The following STRN3 variants were observed in gnomAD, a reference collection of about 807,000 sequenced individuals.
The protein encoded by STRN3 is striatin 3.
Under a neutral mutation model 95.6 loss-of-function variants are expected in STRN3, and 29 were observed. The ratio of observed to expected loss-of-function variants is 0.30; its 90% CI spans 0.23 to 0.41. The LOEUF is 0.41. Ranked by LOEUF, STRN3 falls within the 10% of genes least tolerant of loss-of-function variation. The pLI is 1.00. For missense variants in STRN3, 890 were observed against 972.1 expected (o/e 0.92, Z 1.12); for synonymous variants, 331 against 357.6 (o/e 0.93, Z 0.84).
intron 9 of STRN3, among the ~76,000 whole-genome samples, chr14:30,914,055 T>A (rs1456817719): frequency 6.6e-6 from 1 of 152,220 alleles, no homozygotes; most frequent in Non-Finnish European, 1.5e-5. Context: ...ACCATGGACC[T>A]CAAGGACCTC....
intron 1 of STRN3, among the ~76,000 whole-genome samples, chr14:31,016,236 G>A (rs1456374094): frequency 2.6e-5 from 4 of 151,988 alleles, no homozygotes; most frequent in Non-Finnish European, 5.9e-5. Context: ...AAACTTATAC[G>A]TCCACACAAA....
chr14:30,974,507 T>C (rs1880988628), intron 1 of STRN3, among the ~76,000 whole-genome samples: 1 of 150,740 alleles, frequency 6.6e-6, no homozygotes, highest in Non-Finnish European at 1.5e-5. Flanking sequence ...ACAGATTCAA[T>C]GCAATCCTTA....
Position 30,914,824 on chromosome 14 carries a change from A to G in STRN3, c.1241-1167T>C, listed in dbSNP as rs1594429154. On this transcript the variant is annotated intron_variant, in intron 9 of 17. Coordinates refer to ENST00000357479, the MANE Select transcript of STRN3 (RefSeq NM_001083893.2). ...GGTTGAGCTTCACTTAGTTTTCTCA[A>G]CTATATCATGTGCATTATTACAGCT... Among the ~76,000 whole-genome samples the G allele has an allele frequency of 2.6e-5, 4 of 152,318 alleles. No individual in the cohort carries two copies. In the South Asian group the frequency reaches 8.3e-4, roughly 32 times the overall value.
intron 1 of STRN3, among the ~76,000 whole-genome samples, chr14:30,981,485 T>C (rs752185188): frequency 1.8e-4 from 28 of 151,988 alleles, no homozygotes; most frequent in Non-Finnish European, 3.2e-4. Flanking sequence ...CATTGACATT[T>C]TACATAAAGC....
chr14:30,909,481 AAGAG>A (rs148536106), intron 13 of STRN3, among the ~76,000 whole-genome samples: 5 of 150,676 alleles, frequency 3.3e-5, no homozygotes, highest in Non-Finnish European at 7.4e-5. Flanking sequence ...CCAAAAAAGA[AAGAG>A]AGAGAGAGAG....
At chr14:30,931,954 C>T (rs1458323953) in intron 7 of STRN3, 1 of 152,136 alleles carries the variant, frequency 6.6e-6, no homozygotes, top group Non-Finnish European at 1.5e-5. Context: ...TTAAAAAAAT[C>T]AGTGCTCTTT....
intron 1 of STRN3, among the ~76,000 whole-genome samples, chr14:31,012,276 A>G (rs952155230): frequency 1.3e-5 from 2 of 152,202 alleles, no homozygotes; most frequent in Non-Finnish European, 2.9e-5. Flanking sequence ...CCAGGATTTC[A>G]GTGAAAGATA....
At chr14:30,978,062 G>A (rs1473164898) in intron 1 of STRN3, among the ~76,000 whole-genome samples, 1 of 152,048 alleles carries the variant, frequency 6.6e-6, no homozygotes, top group Non-Finnish European at 1.5e-5. Context: ...ATGGGCTCTA[G>A]GGTGAATTCT....
chr14:30,929,957 A>AAAAAAAAAAAAC (rs1555317343), intron 7 of STRN3, among the ~76,000 whole-genome samples: 2 of 138,234 alleles, frequency 1.4e-5, no homozygotes, highest in African/African-American at 2.8e-5. Flanking sequence ...AGATTAGCAA[A>AAAAAAAAAAAAC]AAAAAAAAAA....
In STRN3 at chr14:30,895,526, T is replaced by G; in HGVS notation, c.2279A>C (p.Glu760Ala). ...WNLDSKTCVQ[E>A]ITAHRKKLDE... ...CAATTTCTTTCTGTGAGCTGTTATT[T>G]CTTGCACACATGTCTTGCTGTCTAA... The change falls in exon 18 of 18, where the codon GAA becomes GCA. Residue 760 changes from glutamate to alanine, a missense_variant. Transcript: ENST00000357479. 1 of 1,614,156 alleles carries G rather than the reference T, an allele frequency of 6.2e-7. No individual in the cohort carries two copies. The highest frequency in any genetic ancestry group is 8.5e-7 in the Non-Finnish European group (1 of 1,180,024).
At position 31,026,073 on chromosome 14, in the gene STRN3, G is replaced by A. The variant is rs1482191165; in HGVS notation, c.113C>T (p.Ala38Val). The part of the protein sequence containing the change: ...LGLSPGGNGA[A>V]GGGGPPASEG... The stretch of plus-strand genomic sequence containing the variant: ...GGAGGCCGGAGGACCCCCGCCGCCC[G>A]CCGCTCCGTTCCCCCCGGGCGAAAG... Residue 38 changes from alanine to valine, a missense_variant, in exon 1 of 18, where the codon GCG (alanine) becomes GTG (valine). Physicochemically the swap from Ala to Val is moderately conservative, Grantham distance 64 (BLOSUM62 0). This residue lies in a region of STRN3 where 526 missense variants were observed against 526.3 expected (regional missense o/e 1.00). Coordinates refer to ENST00000357479, the MANE Select transcript of STRN3 (RefSeq NM_001083893.2). The A allele has an allele frequency of 2.0e-6, 3 of 1,530,030 alleles. No homozygotes were observed. The highest frequency in any genetic ancestry group is 2.6e-5 in the East Asian group (1 of 38,766). 94.8% of individuals were successfully genotyped at this position (1,530,030 alleles called of 1,614,324 possible).
chr14:30,952,036 T>C (rs1879667385), intron 3 of STRN3, among the ~76,000 whole-genome samples: 1 of 151,880 alleles, frequency 6.6e-6, no homozygotes, highest in Admixed American at 6.6e-5. Flanking sequence ...AAGGATCGCT[T>C]GAACCCAGGA....
intron 2 of STRN3, among the ~76,000 whole-genome samples, 199 bp from the exon 3 acceptor site, chr14:30,955,892 G>T (rs1430006383): frequency 6.6e-6 from 1 of 152,060 alleles, no homozygotes; most frequent in East Asian, 1.9e-4. Flanking sequence ...GTTAAAAAAA[G>T]ATCAATTATC....
intron 1 of STRN3, among the ~76,000 whole-genome samples, chr14:30,997,220 T>C (rs1217181001): frequency 1.3e-5 from 2 of 152,060 alleles, no homozygotes; most frequent in East Asian, 3.9e-4. Flanking sequence ...GAGGGGGACA[T>C]GAGCAGATTA....
At chr14:30,984,864 C>T (rs909121236) in intron 1 of STRN3, among the ~76,000 whole-genome samples, 4 of 152,106 alleles carry the variant, frequency 2.6e-5, no homozygotes, top group African/African-American at 9.7e-5. Context: ...ACTCTAACAG[C>T]TTAATTTGTT....
chr14:30,984,127 GC>G (rs59078202), intron 1 of STRN3, among the ~76,000 whole-genome samples: 20 of 81,394 alleles, frequency 2.5e-4, no homozygotes, highest in East Asian at 4.0e-4. Context: ...CATCTTCCCC[GC>G]CCCCCCCAAC....
chr14:30,973,098 A>C (rs578172913), intron 1 of STRN3, among the ~76,000 whole-genome samples: 8 of 151,872 alleles, frequency 5.3e-5, no homozygotes, highest in African/African-American at 1.9e-4. Context: ...AATCCCAGTC[A>C]CTCAAGAGGG....
At chr14:30,927,860 G>A (rs944391043) in intron 8 of STRN3, among the ~76,000 whole-genome samples, 1 of 148,396 alleles carries the variant, frequency 6.7e-6, no homozygotes, top group African/African-American at 2.5e-5. Context: ...TTGAACCCGG[G>A]AGGCAGAGGT....
At chr14:30,944,032 C>T (rs1242694446) in intron 5 of STRN3, among the ~76,000 whole-genome samples, 4 of 151,890 alleles carry the variant, frequency 2.6e-5, no homozygotes, top group Non-Finnish European at 4.4e-5. Context: ...TTAACATACA[C>T]GCATGCACAC....
Sources: allele counts gnomAD v4.1 joint callset (sites outside exome capture counted in the v4.1 genomes callset), GRCh38; gene constraint gnomAD v4.1.1; regional missense constraint gnomAD v4.1.1; transcripts MANE v1.5; gene names NCBI Gene and HGNC (gene_info 2026-07-23, HGNC 2026-07-21).